The following CDHR2 variants were observed in gnomAD, a reference collection of about 807,000 sequenced individuals.
CDHR2 encodes cadherin related family member 2.
A neutral mutation model predicts 138.6 loss-of-function variants in CDHR2; 104 were observed. The observed-to-expected ratio is 0.75, with a 90% CI of 0.64 to 0.88. The LOEUF (loss-of-function observed/expected upper bound fraction) is 0.88, where lower values mean the gene tolerates loss of function less well. CDHR2 is among the 40% of genes least tolerant of loss of function. The pLI, the probability that CDHR2 is intolerant of heterozygous loss-of-function variation, is 0.00. For missense variants in CDHR2, 1,624 were observed against 1,727.6 expected (o/e 0.94, Z 1.06); for synonymous variants, 755 against 742.8 (o/e 1.02, Z -0.27).
chr5:176,575,727 CCA>C lies in CDHR2; in HGVS notation c.850_851del (p.Thr284AlafsTer6), dbSNP rs1182722137. ...GTTCCGCCTTTCTCCTTGCCAGACTCCACGCGGCCCGGCTGGTTTGACATCGG... is the reference window on the plus strand; with the variant it reads ...GTTCCGCCTTTCTCCTTGCCAGACTCCGCGGCCCGGCTGGTTTGACATCGG... On this transcript the variant is annotated frameshift_variant, in exon 11 of 32. Transcript: ENST00000261944. LOFTEE classifies it high-confidence loss of function. 4 of 1,578,818 alleles carry C rather than the reference CCA, an allele frequency of 2.5e-6. No homozygotes were observed. Among genetic ancestry groups the C allele is most frequent in the Non-Finnish European group, 3.4e-6 (4 of 1,161,858 alleles).
At chr5:176,557,207 T>C (rs888577580) in intron 1 of CDHR2, among the ~76,000 whole-genome samples, 7 of 151,274 alleles carry the variant, frequency 4.6e-5, no homozygotes, top group Non-Finnish European at 8.8e-5. Flanking sequence ...TTTGTTGTTT[T>C]GCTTTTTTTG....
At chr5:176,558,639 C>T in intron 1 of CDHR2, among the ~76,000 whole-genome samples, 1 of 152,188 alleles carries the variant, frequency 6.6e-6, no homozygotes. Flanking sequence ...CCCACCTCAG[C>T]CTCCCAAAGT....
chr5:176,591,688 AATGATGGTGGTGATG>A (rs1470394109), intron 30 of CDHR2: 1 of 486,690 alleles, frequency 2.1e-6, no homozygotes, highest in African/African-American at 2.2e-5. Flanking sequence ...TGATGACAAC[AATGATGGTGGTGATG>A]ATGGTGTTGG....
At chr5:176,574,320 C>G in intron 7 of CDHR2, 148 bp downstream of exon 7, 1 of 642,890 alleles carries the variant, frequency 1.6e-6, no homozygotes, top group Non-Finnish European at 2.8e-6. Context: ...GGCCACCAGC[C>G]CCCCTCCCCG....
rs1433569247 is a variant in CDHR2 at position 176,595,651 on chromosome 5, C to T, written c.3912C>T (p.Gly1304=). 2.5e-6 allele frequency: 4 copies of T among 1,605,558 alleles called. No homozygotes were observed. The highest frequency in any genetic ancestry group is 3.4e-5 in the Admixed American group (2 of 59,204). ...AGGGGCCATCCTACACCAACGCTGG[C>T]CTGGACACCACGGACCTGTGACAGG... ...QLEGPSYTNA[G]LDTTDL is the part of the protein sequence containing the mutation. The change falls in exon 32 of 32, where the codon GGC becomes GGT. Residue 1304 remains glycine (G), a synonymous_variant. Transcript: ENST00000261944.
chr5:176,551,905 G>A (rs909018622), intron 1 of CDHR2, among the ~76,000 whole-genome samples: 1 of 151,260 alleles, frequency 6.6e-6, no homozygotes, highest in Non-Finnish European at 1.5e-5. Context: ...TAGTAGAGAC[G>A]GCGTTTCACC....
intron 21 of CDHR2, among the ~76,000 whole-genome samples, chr5:176,587,607 C>G (rs1167474612): frequency 6.6e-6 from 1 of 152,124 alleles, no homozygotes; most frequent in African/African-American, 2.4e-5. Context: ...GGCTGGGCTT[C>G]TTACTGACCT....
intron 16 of CDHR2, among the ~76,000 whole-genome samples, chr5:176,580,895 AG>A (rs1391708492): frequency 1.3e-5 from 2 of 152,238 alleles, no homozygotes; most frequent in African/African-American, 4.8e-5. Flanking sequence ...AAAAGAAAAA[AG>A]AAAAAATATG....
intron 31 of CDHR2, 43 bp downstream of exon 31, chr5:176,592,823 G>A: frequency 1.3e-6 from 2 of 1,571,382 alleles, no homozygotes; most frequent in Non-Finnish European, 1.8e-6. Flanking sequence ...TCCAACTTGG[G>A]TTCTTCTGTG....
At chr5:176,544,359 TTTCTTTCTTTCTTTCC>T (rs1757534098), upstream of CDHR2, among the ~76,000 whole-genome samples, 3 of 101,440 alleles carry the variant, frequency 3.0e-5, no homozygotes, top group East Asian at 9.6e-4. Flanking sequence ...TTTCTTTTCT[TTTCTTTCTTTCTTTCC>T]TTTTTTTCTT....
intron 1 of CDHR2, 21 bp downstream of exon 1, chr5:176,549,435 C>CG (rs1561863521): frequency 6.6e-6 from 1 of 151,908 alleles, no homozygotes; most frequent in South Asian, 2.1e-4. Flanking sequence ...TCCAGCTCAT[C>CG]GGGGGTCTCT....
At chr5:176,574,459 T>G (rs184056325) in intron 7 of CDHR2, among the ~76,000 whole-genome samples, 1 of 152,180 alleles carries the variant, frequency 6.6e-6, no homozygotes, top group Admixed American at 6.6e-5. Context: ...CCATTTCTCA[T>G]GGAAACAGAC....
intron 22 of CDHR2, 61 bp from the exon 23 acceptor site, chr5:176,589,269 C>T (rs1581150055): frequency 6.3e-7 from 1 of 1,586,720 alleles, no homozygotes; most frequent in South Asian, 1.2e-5. Context: ...CTGGAGGTTA[C>T]AAGGGTCCTG....
intron 3 of CDHR2, among the ~76,000 whole-genome samples, chr5:176,568,106 G>A (rs1758125346): frequency 1.3e-5 from 2 of 152,258 alleles, no homozygotes; most frequent in Non-Finnish European, 2.9e-5. Flanking sequence ...AGGTGTCGGA[G>A]CAGAGGCTGG....
At chr5:176,562,429 G>T (rs1025322945) in intron 1 of CDHR2, among the ~76,000 whole-genome samples, 1 of 152,016 alleles carries the variant, frequency 6.6e-6, no homozygotes, top group Non-Finnish European at 1.5e-5. Flanking sequence ...GCTCCCCGAG[G>T]CTGGAACTCG....
At position 176,591,449 on chromosome 5, in the gene CDHR2, G is replaced by A. The variant is rs750990993; in HGVS notation, c.3699G>A (p.Glu1233=). The A allele has an allele frequency of 6.2e-7, 1 of 1,613,986 alleles. No homozygotes were observed. Among genetic ancestry groups the A allele is most frequent in the Middle Eastern group, 1.6e-4 (1 of 6,062 alleles). Residue 1233 remains glutamate, a synonymous_variant, in exon 30 of 32, where the codon GAG becomes GAA. Coordinates refer to ENST00000261944, the MANE Select transcript of CDHR2 (RefSeq NM_017675.6). ...LNLPNKDLGL[E]YLSPSNDLDS... Reference sequence around the variant, plus strand: ...TCCCCAACAAAGACCTGGGCTTGGAGTACCTCTCTCCCTCCAATGACCTGG... The same window carrying A: ...TCCCCAACAAAGACCTGGGCTTGGAATACCTCTCTCCCTCCAATGACCTGG...
Position 176,574,188 on chromosome 5 carries a change from G to A in CDHR2, c.495+16G>A, listed in dbSNP as rs1078628. 377,827 of 1,591,788 alleles carry A rather than the reference G, an allele frequency of 0.24. 48,383 individuals carry two copies. Among genetic ancestry groups the A allele is most frequent in the East Asian group, 0.5 (22,170 of 44,724 alleles). ...CATAGAGAAGGTGAGTGTGAAGGGG[G>A]CCCTGACCGCCTTTGTGACCGCCAG... On this transcript the variant is annotated intron_variant, in intron 7 of 31. Transcript: ENST00000261944.
At chr5:176,569,951 C>T (rs1361068258) in intron 5 of CDHR2, among the ~76,000 whole-genome samples, 1 of 140,714 alleles carries the variant, frequency 7.1e-6, no homozygotes, top group Non-Finnish European at 1.5e-5. Flanking sequence ...TAGCACGAGA[C>T]TCCGTCTCAA....
At position 176,581,424 on chromosome 5, in the gene CDHR2, T is replaced by C; in HGVS notation, c.1900T>C (p.Ser634Pro). ...LLPGPYSHNF[S>P]LDPDTGLLRN... is the part of the protein sequence containing the mutation. ...GCCTGGCCCCTACAGCCACAACTTC[T>C]CCTTGGACCCTGACACAGGGCTCCT... is the stretch of plus-strand genomic sequence containing the variant. The change falls in exon 17 of 32, where the codon TCC becomes CCC. Residue 634 changes from serine to proline, a missense_variant. This residue lies in a region of CDHR2 where 1,061 missense variants were observed against 1,136.6 expected (regional missense o/e 0.93). Transcript: ENST00000261944. 1 of 1,614,086 alleles carries C rather than the reference T, an allele frequency of 6.2e-7. No homozygotes were observed. Among genetic ancestry groups the C allele is most frequent in the East Asian group, 2.2e-5 (1 of 44,874 alleles).
Sources: allele counts gnomAD v4.1 joint callset (sites outside exome capture counted in the v4.1 genomes callset), GRCh38; gene constraint gnomAD v4.1.1; regional missense constraint gnomAD v4.1.1; transcripts MANE v1.5; gene names NCBI Gene and HGNC (gene_info 2026-07-23, HGNC 2026-07-21).